MYBPC2: variants seen among roughly 807,000 people sequenced by gnomAD.
MYBPC2 encodes myosin-binding protein C, fast-type.
MYBPC2 carries 122 observed loss-of-function variants against 137.0 expected under a neutral mutation model. The observed-to-expected ratio is 0.89, with a 90% CI of 0.77 to 1.03. The LOEUF is 1.03. Ranked by LOEUF, MYBPC2 falls within the 50% of genes least tolerant of loss-of-function variation. MYBPC2 has a pLI of 0.00. For missense variants in MYBPC2, 1,500 were observed against 1,534.4 expected, an observed-to-expected ratio of 0.98 and a Z score of 0.37; for synonymous variants, 626 against 612.3, an observed-to-expected ratio of 1.02 and a Z score of -0.33.
intron 1 of MYBPC2, among the ~76,000 whole-genome samples, chr19:50,433,847 A>G (rs922604279): frequency 2.0e-5 from 3 of 151,308 alleles, no homozygotes; most frequent in Non-Finnish European, 4.4e-5. Flanking sequence ...ATACCGAGGC[A>G]GGAGGATTGC....
rs2039976200 is a variant in MYBPC2, at chr19:50,461,970, C to T, written c.3162C>T (p.Leu1054=). 1.1e-5 allele frequency: 17 copies of T among 1,583,756 alleles called. No homozygotes were observed. The highest frequency in any genetic ancestry group is 1.5e-5 in the Non-Finnish European group (17 of 1,164,462). The change falls in exon 26 of 28, where the codon CTC becomes CTT. Residue 1054 remains leucine (L), a synonymous_variant. Transcript: ENST00000357701. ...FRMAPKFLTP[L]IDRVVVAGYS... Reference sequence around the variant, plus strand: ...TGGCTCCCAAGTTCCTGACACCTCTCATAGACCGCGTGGTCGTGGCTGGGT... The same window carrying T: ...TGGCTCCCAAGTTCCTGACACCTCTTATAGACCGCGTGGTCGTGGCTGGGT...
chr19:50,464,565 C>T (rs1406037028), intron 27 of MYBPC2, 33 bp downstream of exon 27: 1 of 1,565,468 alleles, frequency 6.4e-7, no homozygotes, highest in Admixed American at 1.8e-5. Context: ...CACTGGCTGA[C>T]CCTTGCTCGG....
chr19:50,433,289 G>T (rs61594069), intron 1 of MYBPC2, among the ~76,000 whole-genome samples: 3 of 151,492 alleles, frequency 2.0e-5, no homozygotes, highest in African/African-American at 4.9e-5. Flanking sequence ...TAAGTGATTG[G>T]GGGGGCATCT....
chr19:50,448,621 G>A (rs1180203723), intron 13 of MYBPC2, among the ~76,000 whole-genome samples: 11 of 151,678 alleles, frequency 7.3e-5, no homozygotes, highest in African/African-American at 2.7e-4. Flanking sequence ...CACCACGCCT[G>A]ACTAATTTTT....
chr19:50,444,477 CCTA>C (rs1209793641), intron 11 of MYBPC2, among the ~76,000 whole-genome samples: 1 of 152,204 alleles, frequency 6.6e-6, no homozygotes, highest in Non-Finnish European at 1.5e-5. Context: ...CCACCATCTA[CCTA>C]TCCATTCATC....
At chr19:50,456,608 T>TG (rs986144379) in intron 20 of MYBPC2, among the ~76,000 whole-genome samples, 6 of 151,978 alleles carry the variant, frequency 3.9e-5, no homozygotes, top group African/African-American at 1.5e-4. Context: ...TTTTTTTTTT[T>TG]TGTATTTTTA....
At chr19:50,437,772 G>C in intron 7 of MYBPC2, 54 bp downstream of exon 7, 1 of 1,551,172 alleles carries the variant, frequency 6.4e-7, no homozygotes, top group Non-Finnish European at 8.7e-7. Context: ...GGGAGGAGGT[G>C]GTGGGTGAAG....
chr19:50,433,496 C>T (rs1363108463), intron 1 of MYBPC2, among the ~76,000 whole-genome samples: 5 of 152,000 alleles, frequency 3.3e-5, no homozygotes, highest in African/African-American at 7.2e-5. Context: ...CATCCGCCTC[C>T]TGAGTTCAAA....
At chr19:50,460,682 C>T (rs1300066633) in intron 24 of MYBPC2, among the ~76,000 whole-genome samples, 1 of 152,190 alleles carries the variant, frequency 6.6e-6, no homozygotes, top group Non-Finnish European at 1.5e-5. Flanking sequence ...CGGGTGTGTC[C>T]ATGCAGAAAT....
chr19:50,448,473 TA>T (rs2039827319), intron 13 of MYBPC2, 83 bp downstream of exon 13: 3 of 1,508,622 alleles, frequency 2.0e-6, no homozygotes, highest in East Asian at 4.6e-5. Flanking sequence ...GTCCCCCATT[TA>T]TTTTTTTTTT....
At chr19:50,438,021 C>T (rs1024771229) in intron 7 of MYBPC2, among the ~76,000 whole-genome samples, 4 of 152,148 alleles carry the variant, frequency 2.6e-5, no homozygotes, top group Non-Finnish European at 5.9e-5. Flanking sequence ...GCTGTTCACT[C>T]AGGCTCTAGT....
At chr19:50,433,546 G>A (rs1479495242) in intron 1 of MYBPC2, among the ~76,000 whole-genome samples, 1 of 151,906 alleles carries the variant, frequency 6.6e-6, no homozygotes, top group African/African-American at 2.4e-5. Context: ...ACAGGCCTGC[G>A]CCACCATGCC....
intron 20 of MYBPC2, among the ~76,000 whole-genome samples, chr19:50,458,101 G>A: frequency 6.6e-6 from 1 of 151,512 alleles, no homozygotes; most frequent in East Asian, 2.0e-4. Context: ...CACGAGGTCA[G>A]GAGTTCAAGA....
In MYBPC2 at chr19:50,435,084, T is replaced by A. The variant is rs560331680; in HGVS notation, c.20-77T>A. On this transcript the variant is annotated intron_variant, in intron 1 of 27. Transcript: ENST00000357701. The surrounding 1 kb of genome is among the most constrained non-coding windows in gnomAD (Gnocchi z 4.8). ...GTCTGAGGGAGGAGGGGCTGGGGGG[T>A]CTGGACTCCTGCGTCTGAGGGAGGG... The A allele has an allele frequency of 1.1e-5, 7 of 646,614 alleles. No individual in the cohort carries two copies. The highest frequency in any genetic ancestry group is 9.4e-5 in the South Asian group (6 of 64,088). The allele number at this position is 646,614 out of a possible 1,614,324, so 40.1% of individuals were successfully genotyped here. A position where few individuals can be genotyped will look rare whatever the true frequency, so the allele number is the denominator to read the frequency against.
rs551981652 is a variant in MYBPC2, at chr19:50,465,843, C to T, written c.3416-352C>T. Among the ~76,000 whole-genome samples, 15 of 152,224 alleles carry T rather than the reference C, an allele frequency of 9.9e-5. No individual in the cohort carries two copies. In the East Asian group the frequency reaches 2.9e-3, roughly 29 times the overall value. On this transcript the variant is annotated intron_variant, in intron 27 of 27. Coordinates refer to ENST00000357701, the MANE Select transcript of MYBPC2 (RefSeq NM_004533.4). The surrounding 1 kb of genome is among the most constrained non-coding windows in gnomAD (Gnocchi z 4.5). ...CTGGTGCAACAGAGTGAGACTCTGT[C>T]TCAAAAACCAAACAAAAACACCCCA...
intron 12 of MYBPC2, among the ~76,000 whole-genome samples, chr19:50,446,338 C>G (rs1053461129): frequency 1.3e-5 from 2 of 151,476 alleles, no homozygotes; most frequent in Admixed American, 6.6e-5. Flanking sequence ...TGGTGAAACC[C>G]CATCTCTACT....
At chr19:50,458,451 A>AGCT (rs2039934085) in intron 20 of MYBPC2, 136 bp from the exon 21 acceptor site, 3 of 1,023,622 alleles carry the variant, frequency 2.9e-6, no homozygotes, top group South Asian at 1.7e-5. Context: ...AACTAACTCC[A>AGCT]GCTGCTGCTG....
chr19:50,439,298 C>T (rs899107312), intron 7 of MYBPC2, among the ~76,000 whole-genome samples: 1 of 151,362 alleles, frequency 6.6e-6, no homozygotes, highest in Non-Finnish European at 1.5e-5. Flanking sequence ...CCTGTCTTCC[C>T]CCAACTCATC....
intron 20 of MYBPC2, 120 bp downstream of exon 20, chr19:50,455,764 G>C: frequency 7.1e-7 from 1 of 1,413,668 alleles, no homozygotes; most frequent in Non-Finnish European, 9.5e-7. Flanking sequence ...CTTGTGTTTT[G>C]TGTCTGTACT....
Sources: allele counts gnomAD v4.1 joint callset (sites outside exome capture counted in the v4.1 genomes callset), GRCh38; gene constraint gnomAD v4.1.1; non-coding constraint Gnocchi (gnomAD v3.1); transcripts MANE v1.5; gene names NCBI Gene and HGNC (gene_info 2026-07-23, HGNC 2026-07-21).